The following DNAJC24 variants were observed in gnomAD, a reference collection of about 807,000 sequenced individuals.
The protein encoded by DNAJC24 is DnaJ heat shock protein family (Hsp40) member C24.
DNAJC24 carries 17 observed loss-of-function variants against 18.0 expected under a neutral mutation model. That is an observed-to-expected ratio of 0.94 (90% CI 0.65 to 1.42). The LOEUF (loss-of-function observed/expected upper bound fraction) is 1.42, where lower values mean the gene tolerates loss of function less well. Ranked by LOEUF, DNAJC24 falls within the 40% of genes most tolerant of loss-of-function variation. The pLI, the probability that DNAJC24 is intolerant of heterozygous loss-of-function variation, is 0.00. For synonymous variants in DNAJC24, 55 were observed against 57.7 expected (o/e 0.95, Z 0.21); for missense variants, 158 against 175.6 (o/e 0.90, Z 0.57).
chr11:31,402,082 C>CACTT (rs1283192486), intron 2 of DNAJC24, among the ~76,000 whole-genome samples: 13 of 152,144 alleles, frequency 8.5e-5, no homozygotes, highest in African/African-American at 2.7e-4. Context: ...TCACAGAGTG[C>CACTT]ACTTACGTAA....
chr11:31,412,459 T>C (rs779568351), intron 2 of DNAJC24, among the ~76,000 whole-genome samples: 1 of 152,196 alleles, frequency 6.6e-6, no homozygotes, highest in African/African-American at 2.4e-5. Context: ...CATTTACTTA[T>C]ACTAAGCTTG....
chr11:31,401,478 T>G (rs1952600660), intron 2 of DNAJC24, among the ~76,000 whole-genome samples: 1 of 151,882 alleles, frequency 6.6e-6, no homozygotes. Context: ...CTTTCTTCAC[T>G]ACCTCCCCCT....
intron 2 of DNAJC24, among the ~76,000 whole-genome samples, chr11:31,380,721 G>A (rs753977682): frequency 4.6e-5 from 7 of 152,132 alleles, no homozygotes; most frequent in Non-Finnish European, 1.0e-4. Context: ...ACATTTCAGT[G>A]AGTCTTGACT....
intron 2 of DNAJC24, chr11:31,385,141 A>C (rs1237894551): frequency 6.6e-6 from 1 of 152,210 alleles, no homozygotes; most frequent in Non-Finnish European, 1.5e-5. Context: ...TAGATTCTTC[A>C]TATCGGGTTT....
intron 2 of DNAJC24, among the ~76,000 whole-genome samples, chr11:31,407,894 A>G (rs1385197902): frequency 2.6e-5 from 4 of 151,350 alleles, no homozygotes; most frequent in Non-Finnish European, 4.4e-5. Context: ...CCTGATACAA[A>G]TTATGCCCCT....
At chr11:31,400,865 A>G (rs955531257) in intron 2 of DNAJC24, among the ~76,000 whole-genome samples, 1 of 152,252 alleles carries the variant, frequency 6.6e-6, no homozygotes, top group Admixed American at 6.5e-5. Context: ...AACACAAGCC[A>G]AAATTGACAA....
intron 2 of DNAJC24, among the ~76,000 whole-genome samples, chr11:31,381,835 C>T (rs1409840735): frequency 6.6e-6 from 1 of 152,194 alleles, no homozygotes; most frequent in East Asian, 1.9e-4. Context: ...CCTCTGCCTC[C>T]CAAAGTGCTG....
intron 2 of DNAJC24, among the ~76,000 whole-genome samples, chr11:31,412,746 C>T (rs1465473996): frequency 6.6e-6 from 1 of 152,004 alleles, no homozygotes; most frequent in Non-Finnish European, 1.5e-5. Flanking sequence ...AGGTAGTTTG[C>T]CAAAGGGAAA....
chr11:31,381,867 A>T (rs1952380459), intron 2 of DNAJC24, among the ~76,000 whole-genome samples: 1 of 152,134 alleles, frequency 6.6e-6, no homozygotes, highest in South Asian at 2.1e-4. Flanking sequence ...GTGAGCTACT[A>T]CGCCTGGCTC....
rs1952916092 is a variant in DNAJC24, at chr11:31,430,887, G to A, written c.*486G>A. The A allele has an allele frequency of 6.6e-6, 1 of 152,602 alleles. No individual in the cohort carries two copies. The highest frequency in any genetic ancestry group is 6.5e-5 in the Admixed American group (1 of 15,280). 9.5% of individuals were successfully genotyped at this position (152,602 alleles called of 1,614,324 possible). ...AAGGCTGGTTATGGATATTCATAAG[G>A]TTATTTCAAAGTTAATAAAGACAAA... is the stretch of plus-strand genomic sequence containing the variant. On this transcript the variant is annotated 3_prime_UTR_variant, in exon 5 of 5. Transcript: ENST00000465995.
intron 3 of DNAJC24, among the ~76,000 whole-genome samples, 173 bp from the exon 4 acceptor site, chr11:31,426,114 C>G (rs1413143847): frequency 6.6e-6 from 1 of 152,178 alleles, no homozygotes; most frequent in African/African-American, 2.4e-5. Flanking sequence ...ATTTTTCAGT[C>G]AGCTAAAGTC....
At chr11:31,380,736 G>A (rs886974077) in intron 2 of DNAJC24, among the ~76,000 whole-genome samples, 4 of 152,094 alleles carry the variant, frequency 2.6e-5, no homozygotes, top group African/African-American at 9.7e-5. Context: ...TTGACTACAT[G>A]TATGTGTATA....
At chr11:31,373,264 G>GT (rs1229093592) in intron 2 of DNAJC24, among the ~76,000 whole-genome samples, 1 of 134,294 alleles carries the variant, frequency 7.4e-6, no homozygotes, top group African/African-American at 2.5e-5. Context: ...ATTCTTCGAT[G>GT]TTTTCTTCTA....
At position 31,419,647 on chromosome 11, in the gene DNAJC24, G is replaced by GT. The variant is rs372872712; in HGVS notation, c.250+4708dup. On this transcript the variant is annotated intron_variant, in intron 3 of 4. Transcript: ENST00000465995. ...GTGGAGCAGTCTAAGATTTTAGGAA[G>GT]TTTTTTTTTTCCAACTTTAACCACT... 1.9e-3 allele frequency among the ~76,000 whole-genome samples: 281 copies of GT among 149,380 alleles called. 1 individual carries two copies. Among genetic ancestry groups the GT allele is most frequent in the African/African-American group, 6.1e-3 (251 of 40,850 alleles).
intron 2 of DNAJC24, chr11:31,396,227 T>C: frequency 1.6e-5 from 7 of 450,096 alleles, no homozygotes; most frequent in South Asian, 1.1e-4. Flanking sequence ...GGCAGGAGCA[T>C]GTCTTTCCTG....
intron 4 of DNAJC24, among the ~76,000 whole-genome samples, chr11:31,428,196 C>T (rs1451189746): frequency 3.3e-5 from 5 of 151,866 alleles, no homozygotes; most frequent in Non-Finnish European, 7.4e-5. Context: ...TGTATTATTG[C>T]CCCTGGAACT....
intron 2 of DNAJC24, among the ~76,000 whole-genome samples, chr11:31,413,949 A>C (rs573677727): frequency 1.1e-4 from 16 of 152,334 alleles, no homozygotes; most frequent in Admixed American, 7.8e-4. Flanking sequence ...AAGAGAAGGG[A>C]GAATCACAGA....
intron 2 of DNAJC24, among the ~76,000 whole-genome samples, chr11:31,391,641 G>A (rs1271607799): frequency 6.6e-6 from 1 of 152,132 alleles, no homozygotes; most frequent in Non-Finnish European, 1.5e-5. Flanking sequence ...GGGAAACCTT[G>A]TACACAGTTG....
At chr11:31,391,124 C>T (rs956988720) in intron 2 of DNAJC24, among the ~76,000 whole-genome samples, 1 of 152,084 alleles carries the variant, frequency 6.6e-6, no homozygotes, top group Non-Finnish European at 1.5e-5. Context: ...TCAATTGATA[C>T]TGAAAAAGTG....
Sources: allele counts gnomAD v4.1 joint callset (sites outside exome capture counted in the v4.1 genomes callset), GRCh38; gene constraint gnomAD v4.1.1; transcripts MANE v1.5; gene names NCBI Gene and HGNC (gene_info 2026-07-23, HGNC 2026-07-21).